DNAJC2: variants seen among roughly 807,000 people sequenced by gnomAD.
The protein encoded by DNAJC2 is DnaJ heat shock protein family (Hsp40) member C2, also known as dnaJ homolog subfamily C member 2.
A neutral mutation model predicts 94.0 loss-of-function variants in DNAJC2; 32 were observed. The ratio of observed to expected loss-of-function variants is 0.34; its 90% CI spans 0.26 to 0.46. The LOEUF is 0.46. Among genes scored for constraint, DNAJC2 ranks in the 20% least tolerant of loss-of-function variants. DNAJC2 has a pLI of 1.00. For synonymous variants in DNAJC2, 210 were observed against 229.7 expected (o/e 0.91, Z 0.77); for missense variants, 550 against 719.5 (o/e 0.76, Z 2.69).
chr7:103,321,802 C>G (rs567260271), intron 10 of DNAJC2, 130 bp downstream of exon 10: 15 of 975,866 alleles, frequency 1.5e-5, no homozygotes, highest in Non-Finnish European at 2.0e-5. Flanking sequence ...GAACTGAGAT[C>G]GCGCCACTGC....
intron 4 of DNAJC2, 41 bp from the exon 5 acceptor site, chr7:103,326,725 C>A (rs935669369): frequency 6.5e-7 from 1 of 1,538,986 alleles, no homozygotes; most frequent in Non-Finnish European, 8.8e-7. Context: ...CATAACTTTA[C>A]CTATTTTTTC....
intron 15 of DNAJC2, chr7:103,313,350 C>A: frequency 8.6e-7 from 1 of 1,166,170 alleles, no homozygotes; most frequent in Non-Finnish European, 1.1e-6. Flanking sequence ...CTACCTTGTA[C>A]TGTTTATCTC....
Position 103,312,933 on chromosome 7 carries a change from C to A in DNAJC2, c.1791+14G>T. ...TTTAAAATACAACAATCTATAAACG[C>A]TTAAGTCTGCAACCTTGTATCGTTT... On this transcript the variant is annotated intron_variant, in intron 16 of 16. Transcript: ENST00000379263. 1 of 1,602,066 alleles carries A rather than the reference C, an allele frequency of 6.2e-7. No homozygotes were observed. The highest frequency in any genetic ancestry group is 8.5e-7 in the Non-Finnish European group (1 of 1,177,048).
Position 103,319,751 on chromosome 7 carries a change from T to C in DNAJC2, c.1172+5A>G, listed in dbSNP as rs1214025924. ...AAGACTTCAATAGCAGTTCCATAGGTATACCTTGCCAGTTCAAGCCGATCA... is the reference window on the plus strand; with the variant it reads ...AAGACTTCAATAGCAGTTCCATAGGCATACCTTGCCAGTTCAAGCCGATCA... On this transcript the variant is annotated splice_donor_5th_base_variant and intron_variant, in intron 11 of 16. Transcript: ENST00000379263. The C allele has an allele frequency of 1.2e-6, 2 of 1,614,206 alleles. No homozygotes were observed. The highest frequency in any genetic ancestry group is 1.7e-6 in the Non-Finnish European group (2 of 1,180,038).
intron 3 of DNAJC2, among the ~76,000 whole-genome samples, chr7:103,332,844 G>A (rs2115997926): frequency 6.6e-6 from 1 of 152,148 alleles, no homozygotes; most frequent in African/African-American, 2.4e-5. Flanking sequence ...GGCTAGTCTT[G>A]AACTACAGAG....
At chr7:103,319,462 A>G (rs1176297195) in intron 12 of DNAJC2, 147 bp downstream of exon 12, 2 of 850,882 alleles carry the variant, frequency 2.4e-6, no homozygotes, top group Admixed American at 2.8e-5. Context: ...AAAACCGAAC[A>G]CATAAAACAA....
intron 7 of DNAJC2, among the ~76,000 whole-genome samples, chr7:103,323,180 T>G (rs140506181): frequency 0.02 from 3,056 of 152,334 alleles, 99 homozygotes; most frequent in African/African-American, 0.068. Context: ...TCTGCCCGCC[T>G]CAGCCTCCCA....
intron 1 of DNAJC2, chr7:103,344,344 T>C: frequency 5.1e-6 from 3 of 584,000 alleles, no homozygotes; most frequent in African/African-American, 1.9e-5. Context: ...GAAGCAACGG[T>C]AGGAGCAAAA....
intron 8 of DNAJC2, 23 bp downstream of exon 8, chr7:103,322,680 G>A: frequency 1.2e-6 from 2 of 1,612,018 alleles, no homozygotes; most frequent in Non-Finnish European, 1.7e-6. Context: ...AACATTTAGG[G>A]GACTTAAATC....
At chr7:103,313,645 T>C (rs1433770196) in intron 15 of DNAJC2, 29 of 985,432 alleles carry the variant, frequency 2.9e-5, no homozygotes, top group Middle Eastern at 5.2e-4. Flanking sequence ...TAGATTGTGT[T>C]GTAGTGTGGT....
At chr7:103,314,843 G>A (rs1429344288) in intron 15 of DNAJC2, among the ~76,000 whole-genome samples, 1 of 152,158 alleles carries the variant, frequency 6.6e-6, no homozygotes, top group Non-Finnish European at 1.5e-5. Context: ...CTTATGTATA[G>A]TCAAGTCTAT....
Position 103,316,891 on chromosome 7 carries a change from C to T in DNAJC2, c.1366G>A (p.Glu456Lys), listed in dbSNP as rs1272156028. The change falls in exon 13 of 17, where the codon GAA (glutamate) becomes AAA (lysine). Residue 456 changes from glutamate (E) to lysine (K), a missense_variant. Coordinates refer to ENST00000379263, the MANE Select transcript of DNAJC2 (RefSeq NM_014377.3). ...TTAATTAGTAATTGTAGATCATCTT[C>T]TGACCAATTTTTACTTCCATTTCCA... is the stretch of plus-strand genomic sequence containing the variant. ...GGGNGSKNWSEDDLQLLIKAV... is the reference protein window; with the variant it reads ...GGGNGSKNWSKDDLQLLIKAV... 6.2e-7 allele frequency: 1 copy of T among 1,613,850 alleles called. No homozygotes were observed. The highest frequency in any genetic ancestry group is 8.5e-7 in the Non-Finnish European group (1 of 1,179,982).
intron 6 of DNAJC2, 46 bp from the exon 7 acceptor site, chr7:103,323,709 A>G (rs1159424216): frequency 7.7e-7 from 1 of 1,290,590 alleles, no homozygotes; most frequent in East Asian, 2.8e-5. Flanking sequence ...AATAAATGAA[A>G]AAAAATTCTT....
At chr7:103,327,905 G>A in intron 3 of DNAJC2, 151 bp from the exon 4 acceptor site, 1 of 549,008 alleles carries the variant, frequency 1.8e-6, no homozygotes, top group Non-Finnish European at 3.2e-6. Context: ...GAAAATTATA[G>A]AGAAACTGAT....
At chr7:103,323,944 C>T (rs914777224) in intron 6 of DNAJC2, among the ~76,000 whole-genome samples, 7 of 152,166 alleles carry the variant, frequency 4.6e-5, no homozygotes, top group South Asian at 2.1e-4. Flanking sequence ...CCTTCAATTT[C>T]GCTAGTCTGT....
chr7:103,323,017 C>T (rs1395553627), intron 7 of DNAJC2, among the ~76,000 whole-genome samples: 2 of 151,840 alleles, frequency 1.3e-5, no homozygotes, highest in Non-Finnish European at 2.9e-5. Flanking sequence ...GCAACCTCTG[C>T]CTCCCAGGTT....
At chr7:103,319,531 T>A in intron 12 of DNAJC2, 78 bp downstream of exon 12, 1 of 1,327,114 alleles carries the variant, frequency 7.5e-7, no homozygotes, top group Non-Finnish European at 1.1e-6. Flanking sequence ...ACTTGGTGAC[T>A]TATATATTAG....
rs538091160 is a variant in DNAJC2, at chr7:103,319,684, GAAA to G, written c.1173-9_1173-7del. ...TTTCATTCAAGCACTGTAAGCTAAA[GAAA>G]AAAAAAGAAGAAATGAAACTTTATC... On this transcript the variant is annotated splice_polypyrimidine_tract_variant and splice_region_variant and intron_variant, in intron 11 of 16. Transcript: ENST00000379263. 2 of 1,597,832 alleles carry G rather than the reference GAAA, an allele frequency of 1.3e-6. No homozygotes were observed. Among genetic ancestry groups the G allele is most frequent in the South Asian group, 2.2e-5 (2 of 89,918 alleles).
chr7:103,327,203 T>C (rs1191497923), intron 4 of DNAJC2: 13 of 418,552 alleles, frequency 3.1e-5, no homozygotes. Context: ...GGGTCTGTAC[T>C]AGGATATAAT....
Sources: allele counts gnomAD v4.1 joint callset (sites outside exome capture counted in the v4.1 genomes callset), GRCh38; gene constraint gnomAD v4.1.1; transcripts MANE v1.5; gene names NCBI Gene and HGNC (gene_info 2026-07-23, HGNC 2026-07-21).